Variants in PHACTR1 observed in about 807,000 individuals in gnomAD.
The protein encoded by PHACTR1 is RPEL repeat containing 1.
Under a neutral mutation model 69.2 loss-of-function variants are expected in PHACTR1, and 16 were observed. The ratio of observed to expected loss-of-function variants is 0.23; its 90% CI spans 0.16 to 0.35. The LOEUF (loss-of-function observed/expected upper bound fraction) is 0.35. PHACTR1 is among the 10% of genes least tolerant of loss of function. PHACTR1 has a pLI of 1.00. For missense variants in PHACTR1, 510 were observed against 734.7 expected (o/e 0.69, Z 3.54); for synonymous variants, 312 against 284.5 (o/e 1.10, Z -0.97).
chr6:13,265,451 G>C (rs1323645997), intron 10 of PHACTR1, among the ~76,000 whole-genome samples: 1 of 152,218 alleles, frequency 6.6e-6, no homozygotes, highest in East Asian at 1.9e-4. Context: ...CAGGCTGCAG[G>C]AGAGAATTTT....
intron 4 of PHACTR1, among the ~76,000 whole-genome samples, chr6:12,781,359 C>G (rs1770797070): frequency 6.6e-6 from 1 of 152,190 alleles, no homozygotes; most frequent in Non-Finnish European, 1.5e-5. Flanking sequence ...TCCTTCACTA[C>G]TAAATACTCG....
chr6:12,928,817 G>C (rs949167599), intron 4 of PHACTR1, among the ~76,000 whole-genome samples: 1 of 152,190 alleles, frequency 6.6e-6, no homozygotes, highest in Non-Finnish European at 1.5e-5. Context: ...AACAAAGACA[G>C]GCAAAGGTGC....
In PHACTR1 at chr6:13,194,483, A is replaced by G. The variant is rs575874551; in HGVS notation, c.665-11332A>G. Among the ~76,000 whole-genome samples the G allele has an allele frequency of 6.5e-3, 790 of 121,628 alleles. 5 individuals carry two copies. Among genetic ancestry groups the G allele is most frequent in the Admixed American group, 0.011 (139 of 13,166 alleles). The allele number at this position is 121,628 out of a possible 152,430, so 79.8% of individuals were successfully genotyped here. ...GAATACTGTGTAATTTTATTGAAGA[A>G]AAAAAAAAAAACTAACTGAATTACA... On this transcript the variant is annotated intron_variant, in intron 7 of 14. Transcript: ENST00000332995.
chr6:13,124,385 C>T (rs1819201686), intron 5 of PHACTR1, among the ~76,000 whole-genome samples: 1 of 152,082 alleles, frequency 6.6e-6, no homozygotes, highest in Non-Finnish European at 1.5e-5. Context: ...ATGTATGTTC[C>T]CTATAATACA....
intron 4 of PHACTR1, among the ~76,000 whole-genome samples, chr6:12,894,842 T>C (rs1395082276): frequency 6.6e-6 from 1 of 152,180 alleles, no homozygotes; most frequent in African/African-American, 2.4e-5. Context: ...TTAAAATCAT[T>C]TTAATTTCAT....
rs1773408417 is a variant in PHACTR1, at chr6:13,245,056, C to T, written c.1391+14863C>T. Reference sequence around the variant, plus strand: ...CTTCTGCCATGGTTTCAGCCGGTCCCTCTGTTTGGGGTCCCTGACTTCCCG... The same window carrying T: ...CTTCTGCCATGGTTTCAGCCGGTCCTTCTGTTTGGGGTCCCTGACTTCCCG... On this transcript the variant is annotated intron_variant, in intron 10 of 14. Coordinates refer to ENST00000332995, the MANE Select transcript of PHACTR1 (RefSeq NM_030948.6). The surrounding 1 kb of genome is among the most constrained non-coding windows in gnomAD (Gnocchi z 4.1). 6.6e-6 allele frequency among the ~76,000 whole-genome samples: 1 copy of T among 152,208 alleles called. No individual in the cohort carries two copies. The highest frequency in any genetic ancestry group is 2.4e-5 in the African/African-American group (1 of 41,444).
At chr6:12,886,425 A>T (rs1286731371) in intron 4 of PHACTR1, among the ~76,000 whole-genome samples, 2 of 152,190 alleles carry the variant, frequency 1.3e-5, no homozygotes, top group African/African-American at 2.4e-5. Context: ...ACACATTCTC[A>T]CTTGTTTCTA....
intron 4 of PHACTR1, among the ~76,000 whole-genome samples, chr6:12,987,556 G>A (rs573510020): frequency 6.6e-6 from 1 of 152,142 alleles, no homozygotes; most frequent in African/African-American, 2.4e-5. Context: ...GCAGCTTCTA[G>A]TTCCAAAAGG....
At chr6:13,203,847 G>A (rs1299971279) in intron 7 of PHACTR1, among the ~76,000 whole-genome samples, 1 of 152,192 alleles carries the variant, frequency 6.6e-6, no homozygotes, top group African/African-American at 2.4e-5. Context: ...GGGAAGCCGT[G>A]AGTGCTCCTC....
At chr6:12,774,363 T>C (rs566826457) in intron 4 of PHACTR1, among the ~76,000 whole-genome samples, 1 of 151,908 alleles carries the variant, frequency 6.6e-6, no homozygotes, top group East Asian at 1.9e-4. Context: ...AAATCAATAA[T>C]TTGAACATAT....
At chr6:12,913,277 G>A (rs888501626) in intron 4 of PHACTR1, among the ~76,000 whole-genome samples, 3 of 152,218 alleles carry the variant, frequency 2.0e-5, no homozygotes, top group African/African-American at 7.2e-5. Context: ...CAAATTGGCC[G>A]TGAGCTCTCA....
chr6:12,821,496 AGAGAG>A (rs1776214404), intron 4 of PHACTR1, among the ~76,000 whole-genome samples: 1 of 146,538 alleles, frequency 6.8e-6, no homozygotes, highest in Non-Finnish European at 1.5e-5. Flanking sequence ...AGAGAGAGAG[AGAGAG>A]AGAAGTTAAG....
intron 7 of PHACTR1, among the ~76,000 whole-genome samples, chr6:13,196,177 T>C (rs905474153): frequency 6.6e-6 from 1 of 152,154 alleles, no homozygotes; most frequent in Non-Finnish European, 1.5e-5. Context: ...AGAAGTAGTG[T>C]GTATCCTCCA....
At position 12,845,700 on chromosome 6, in the gene PHACTR1, G is replaced by T. The variant is rs548798310; in HGVS notation, c.250+95910G>T. Among the ~76,000 whole-genome samples, 7 of 152,284 alleles carry T rather than the reference G, an allele frequency of 4.6e-5. 1 individual carries two copies. The East Asian group carries it at 1.4e-3, about 29-fold the overall frequency. On this transcript the variant is annotated intron_variant, in intron 4 of 14. Coordinates refer to ENST00000332995, the MANE Select transcript of PHACTR1 (RefSeq NM_030948.6). The stretch of plus-strand genomic sequence containing the variant: ...GCACATCTGAGTGCCAGAATTCTGT[G>T]CTTTATTAAGTTCCTTTTGTGGGCT...
At chr6:13,255,463 C>T (rs1775051414) in intron 10 of PHACTR1, among the ~76,000 whole-genome samples, 1 of 152,196 alleles carries the variant, frequency 6.6e-6, no homozygotes, top group Admixed American at 6.5e-5. Flanking sequence ...TCCTTCCCAC[C>T]AATCCCCAGT....
In PHACTR1 at chr6:13,012,631, C is replaced by A. The variant is rs370182419; in HGVS notation, c.251-40734C>A. Among the ~76,000 whole-genome samples, 205 of 152,284 alleles carry A rather than the reference C, an allele frequency of 1.3e-3. 1 individual carries two copies. The South Asian group carries it at 0.018, about 14-fold the overall frequency. On this transcript the variant is annotated intron_variant, in intron 4 of 14. Coordinates refer to ENST00000332995, the MANE Select transcript of PHACTR1 (RefSeq NM_030948.6). ...CTTGTTAAAGGTACAGACTCCTGGACCCTGCACTGACCTACTAAACCAGAA... is the reference window on the plus strand; with the variant it reads ...CTTGTTAAAGGTACAGACTCCTGGAACCTGCACTGACCTACTAAACCAGAA...
At chr6:12,789,454 A>G (rs1771956628) in intron 4 of PHACTR1, among the ~76,000 whole-genome samples, 1 of 150,406 alleles carries the variant, frequency 6.6e-6, no homozygotes, top group African/African-American at 2.5e-5. Flanking sequence ...ATCCATACCA[A>G]CTCCCTCAAT....
intron 6 of PHACTR1, among the ~76,000 whole-genome samples, chr6:13,172,106 T>C (rs1418198757): frequency 1.3e-5 from 2 of 152,184 alleles, no homozygotes; most frequent in East Asian, 3.8e-4. Context: ...CTAGGCTCAG[T>C]TGGGCTACCC....
chr6:12,898,087 T>C (rs747602370), intron 4 of PHACTR1, among the ~76,000 whole-genome samples: 5 of 152,190 alleles, frequency 3.3e-5, no homozygotes, highest in Admixed American at 1.3e-4. Flanking sequence ...CATTTAGCAC[T>C]GTGGACCACT....
Sources: allele counts gnomAD v4.1 joint callset (sites outside exome capture counted in the v4.1 genomes callset), GRCh38; gene constraint gnomAD v4.1.1; non-coding constraint Gnocchi (gnomAD v3.1); transcripts MANE v1.5; gene names NCBI Gene and HGNC (gene_info 2026-07-23, HGNC 2026-07-21).